The following SPIDR variants were observed in gnomAD, a reference collection of about 807,000 sequenced individuals.
SPIDR encodes scaffold protein involved in DNA repair.
SPIDR carries 93 observed loss-of-function variants against 104.6 expected under a neutral mutation model. That is an observed-to-expected ratio of 0.89 (90% CI 0.75 to 1.06). The LOEUF (loss-of-function observed/expected upper bound fraction) is 1.06. Among genes scored for constraint, SPIDR ranks in the 50% least tolerant of loss-of-function variants. SPIDR has a pLI of 0.00. For synonymous variants in SPIDR, 431 were observed against 416.9 expected, an observed-to-expected ratio of 1.03 and a Z score of -0.41; for missense variants, 1,154 against 1,111.2, an observed-to-expected ratio of 1.04 and a Z score of -0.55.
intron 8 of SPIDR, among the ~76,000 whole-genome samples, chr8:47,516,124 A>G (rs1402880510): frequency 6.6e-6 from 1 of 152,164 alleles, no homozygotes; most frequent in African/African-American, 2.4e-5. Flanking sequence ...CTGCTTTTTA[A>G]GACACAAAGT....
At chr8:47,465,733 C>CA (rs1273905014) in intron 8 of SPIDR, among the ~76,000 whole-genome samples, 2 of 151,400 alleles carry the variant, frequency 1.3e-5, no homozygotes, top group African/African-American at 2.4e-5. Context: ...AAGACTCCAT[C>CA]AAAAAAAATA....
intron 8 of SPIDR, among the ~76,000 whole-genome samples, chr8:47,493,201 G>A (rs2079010589): frequency 6.6e-6 from 1 of 152,048 alleles, no homozygotes. Flanking sequence ...AATGAATATG[G>A]TATGGTGCCA....
At chr8:47,698,767 T>A (rs1170522586) in intron 11 of SPIDR, among the ~76,000 whole-genome samples, 1 of 152,202 alleles carries the variant, frequency 6.6e-6, no homozygotes, top group Non-Finnish European at 1.5e-5. Flanking sequence ...TGGGAGAAGC[T>A]TTAGTTTAAA....
At chr8:47,448,763 A>G (rs781982933) in intron 8 of SPIDR, among the ~76,000 whole-genome samples, 4 of 152,040 alleles carry the variant, frequency 2.6e-5, no homozygotes, top group Non-Finnish European at 5.9e-5. Flanking sequence ...TATCTGAGCT[A>G]AAAGGGCTAT....
chr8:47,499,130 T>A (rs971234600), intron 8 of SPIDR, among the ~76,000 whole-genome samples: 1 of 152,150 alleles, frequency 6.6e-6, no homozygotes, highest in African/African-American at 2.4e-5. Context: ...CAGGAGGAAC[T>A]CAATAAATGC....
intron 8 of SPIDR, chr8:47,546,873 T>A (rs1242062577): frequency 2.4e-6 from 1 of 409,904 alleles, no homozygotes; most frequent in Non-Finnish European, 4.7e-6. Flanking sequence ...ATACGTTTCC[T>A]CAGGGAAGAG....
At position 47,655,797 on chromosome 8, in the gene SPIDR, G is replaced by C. The variant is rs1003401400; in HGVS notation, c.1545-18004G>C. 1.2e-4 allele frequency among the ~76,000 whole-genome samples: 18 copies of C among 152,226 alleles called. No homozygotes were observed. In the East Asian group the frequency reaches 3.1e-3, roughly 26 times the overall value. ...TTGGTGTTTTAGACATGAAGTCCTT[G>C]CCCATGCCTGTGTCCTGAATGGTAT... On this transcript the variant is annotated intron_variant, in intron 10 of 19. Transcript: ENST00000297423.
intron 5 of SPIDR, among the ~76,000 whole-genome samples, chr8:47,296,771 T>A (rs1169316213): frequency 6.6e-6 from 1 of 152,230 alleles, no homozygotes; most frequent in Non-Finnish European, 1.5e-5. Context: ...TGTTTTATTC[T>A]GTGAAGAATG....
chr8:47,631,089 G>T (rs1588604761), intron 10 of SPIDR, among the ~76,000 whole-genome samples: 1 of 152,138 alleles, frequency 6.6e-6, no homozygotes, highest in Non-Finnish European at 1.5e-5. Flanking sequence ...AGAGGCTGAG[G>T]CCCTCATCTC....
chr8:47,639,450 A>G (rs2068489611), intron 10 of SPIDR, among the ~76,000 whole-genome samples: 2 of 152,236 alleles, frequency 1.3e-5, no homozygotes, highest in African/African-American at 2.4e-5. Flanking sequence ...ACAAAAGTGG[A>G]CACAAAATTG....
At chr8:47,521,513 G>A (rs1025031746) in intron 8 of SPIDR, among the ~76,000 whole-genome samples, 2 of 150,888 alleles carry the variant, frequency 1.3e-5, no homozygotes, top group African/African-American at 4.9e-5. Flanking sequence ...CGCCTCCTGG[G>A]TCCCCATTCA....
chr8:47,339,289 C>T (rs1367422000), intron 5 of SPIDR, among the ~76,000 whole-genome samples: 6 of 152,106 alleles, frequency 3.9e-5, no homozygotes, highest in African/African-American at 1.4e-4. Context: ...TACTGTGTTT[C>T]TACTGAGAAC....
Position 47,728,040 on chromosome 8 carries a change from C to T in SPIDR, c.2435+747C>T, listed in dbSNP as rs186810589. 4.0e-3 allele frequency among the ~76,000 whole-genome samples: 600 copies of T among 151,742 alleles called. 2 individuals are homozygous for T. Among genetic ancestry groups the T allele is most frequent in the Non-Finnish European group, 6.3e-3 (425 of 67,948 alleles). ...GCTGAGGCAGGAGAATCTCTCGAAACGGGGAGTCAGAGGTTGCAGTGAGCC... is the reference window on the plus strand; with the variant it reads ...GCTGAGGCAGGAGAATCTCTCGAAATGGGGAGTCAGAGGTTGCAGTGAGCC... On this transcript the variant is annotated intron_variant, in intron 17 of 19. Coordinates refer to ENST00000297423, the MANE Select transcript of SPIDR (RefSeq NM_001080394.4).
chr8:47,696,952 C>T (rs902386145), intron 11 of SPIDR, among the ~76,000 whole-genome samples: 2 of 152,170 alleles, frequency 1.3e-5, no homozygotes, highest in African/African-American at 2.4e-5. Context: ...TGTGCAGGCT[C>T]AGCCCTGGAG....
chr8:47,406,520 A>T (rs1588286663), intron 6 of SPIDR, among the ~76,000 whole-genome samples: 1 of 152,210 alleles, frequency 6.6e-6, no homozygotes, highest in East Asian at 1.9e-4. Flanking sequence ...TGAGCATAAG[A>T]GGTTTTAACT....
At chr8:47,414,628 T>C (rs1188288374) in intron 7 of SPIDR, among the ~76,000 whole-genome samples, 1 of 152,208 alleles carries the variant, frequency 6.6e-6, no homozygotes, top group Non-Finnish European at 1.5e-5. Flanking sequence ...TCTGTATATT[T>C]ATTCAAGTTG....
chr8:47,311,666 A>T (rs1187405958), intron 5 of SPIDR, among the ~76,000 whole-genome samples: 1 of 152,038 alleles, frequency 6.6e-6, no homozygotes, highest in Non-Finnish European at 1.5e-5. Flanking sequence ...AAAAGAAAAA[A>T]ATCTTGAAAG....
intron 10 of SPIDR, among the ~76,000 whole-genome samples, chr8:47,655,458 T>C (rs370842205): frequency 1.1e-4 from 17 of 152,182 alleles, no homozygotes; most frequent in African/African-American, 3.6e-4. Flanking sequence ...TTTTGATTTG[T>C]ATTTCTCTGA....
At chr8:47,299,879 C>T (rs879984676) in intron 5 of SPIDR, among the ~76,000 whole-genome samples, 4 of 152,070 alleles carry the variant, frequency 2.6e-5, no homozygotes, top group East Asian at 1.9e-4. Flanking sequence ...ATTTTTGCAT[C>T]GATGTTCATC....
Sources: gnomAD v4.1 joint callset for allele counts (sites outside exome capture counted in the v4.1 genomes callset) on GRCh38, gnomAD v4.1.1 for gene constraint, MANE v1.5 for transcripts, NCBI Gene and HGNC (gene_info 2026-07-23, HGNC 2026-07-21) for gene names.